MED15: variants seen among roughly 807,000 people sequenced by gnomAD.
MED15 encodes mediator of RNA polymerase II transcription subunit 15.
MED15 carries 41 observed loss-of-function variants against 118.7 expected under a neutral mutation model. That is an observed-to-expected ratio of 0.35 (90% CI 0.27 to 0.45). The LOEUF is 0.45. Ranked by LOEUF, MED15 falls within the 20% of genes least tolerant of loss-of-function variation. MED15 has a pLI of 1.00. For missense variants in MED15, 740 were observed against 1,025.5 expected, an observed-to-expected ratio of 0.72 and a Z score of 3.80; for synonymous variants, 436 against 413.9, an observed-to-expected ratio of 1.05 and a Z score of -0.65.
intron 9 of MED15, among the ~76,000 whole-genome samples, chr22:20,580,221 C>T (rs79876592): frequency 0.035 from 5,373 of 152,132 alleles, 291 homozygotes; most frequent in African/African-American, 0.12. Context: ...CTTGGAGGCC[C>T]CACGGGCGTG....
At position 20,541,526 on chromosome 22, in the gene MED15, C is replaced by T. The variant is rs189259096; in HGVS notation, c.156+4322C>T. 1.9e-3 allele frequency among the ~76,000 whole-genome samples: 282 copies of T among 152,246 alleles called. 1 individual carries two copies. Among genetic ancestry groups the T allele is most frequent in the Non-Finnish European group, 2.1e-4 (14 of 68,014 alleles). On this transcript the variant is annotated intron_variant, in intron 2 of 17. Coordinates refer to ENST00000263205, the MANE Select transcript of MED15 (RefSeq NM_001003891.3). ...TTTGAGACAGTCTCGCTCTGTCGCC[C>T]AGGCTAGAGTGCAGTGGCACAATCT...
intron 3 of MED15, chr22:20,551,777 G>A: frequency 2.2e-6 from 1 of 459,062 alleles, no homozygotes; most frequent in South Asian, 2.5e-5. Flanking sequence ...CTTTTCATAG[G>A]GCTGTTGTTT....
chr22:20,548,041 T>C (rs2055621442), intron 2 of MED15, among the ~76,000 whole-genome samples: 1 of 152,074 alleles, frequency 6.6e-6, no homozygotes, highest in Admixed American at 6.6e-5. Flanking sequence ...ATTCACTGAG[T>C]TGCCCCTGAG....
In MED15 at chr22:20,584,422, G is replaced by A. The variant is rs901725940; in HGVS notation, c.1800G>A (p.Ala600=). 8.1e-6 allele frequency: 13 copies of A among 1,613,550 alleles called. No individual in the cohort carries two copies. The highest frequency in any genetic ancestry group is 2.7e-5 in the African/African-American group (2 of 74,906). The change falls in exon 14 of 18, where the codon GCG becomes GCA. Residue 600 remains alanine (A), a synonymous_variant. Coordinates refer to ENST00000263205, the MANE Select transcript of MED15 (RefSeq NM_001003891.3). ...TGGAGAAACTCAAGAATGACATGGC[G>A]GTGGTGAGTGGGATGCCAGACACCC... ...IALEKLKNDM[A]VPTPPPPPVP...
chr22:20,547,898 C>A (rs1337724955), intron 2 of MED15, among the ~76,000 whole-genome samples: 1 of 152,134 alleles, frequency 6.6e-6, no homozygotes, highest in African/African-American at 2.4e-5. Flanking sequence ...GCTCAGGAGG[C>A]TGAGGTGGGG....
intron 2 of MED15, among the ~76,000 whole-genome samples, chr22:20,550,770 A>G (rs2055735166): frequency 1.3e-5 from 2 of 152,262 alleles, no homozygotes; most frequent in South Asian, 4.1e-4. Context: ...AAAGAGGACA[A>G]TGGGTGGGAG....
intron 1 of MED15, among the ~76,000 whole-genome samples, chr22:20,511,501 A>AG (rs2054063244): frequency 6.6e-6 from 1 of 151,280 alleles, no homozygotes; most frequent in Non-Finnish European, 1.5e-5. Context: ...AAAAAAAGAA[A>AG]AAAAAAAAGC....
chr22:20,583,492 G>A (rs537277187), intron 13 of MED15, 99 bp downstream of exon 13: 8 of 1,453,800 alleles, frequency 5.5e-6, no homozygotes, highest in Non-Finnish European at 6.7e-6. Flanking sequence ...AAAGGCACCA[G>A]GCAGCTCTTT....
Position 20,560,975 on chromosome 22 carries a change from G to A in MED15, c.452-3475G>A, listed in dbSNP as rs769359022. Among the ~76,000 whole-genome samples, 4 of 152,110 alleles carry A rather than the reference G, an allele frequency of 2.6e-5. No homozygotes were observed. The South Asian group carries it at 8.3e-4, about 31-fold the overall frequency. On this transcript the variant is annotated intron_variant, in intron 5 of 17. Transcript: ENST00000263205. ...AGCAGGGAGATAGAGCGTGAATATC[G>A]GTTCTGTCGGGTACATATAAAACCT...
chr22:20,585,361 G>C (rs2057104068), intron 16 of MED15, 94 bp downstream of exon 16: 1 of 1,500,632 alleles, frequency 6.7e-7, no homozygotes, highest in Non-Finnish European at 9.1e-7. Flanking sequence ...ACAGCGCCCA[G>C]AACCCACCCT....
At chr22:20,526,823 C>G (rs979019512) in intron 1 of MED15, among the ~76,000 whole-genome samples, 2 of 152,168 alleles carry the variant, frequency 1.3e-5, no homozygotes, top group African/African-American at 4.8e-5. Flanking sequence ...CAGCCCTCAG[C>G]GTGCTTGTCT....
At chr22:20,538,352 C>T (rs746698002) in intron 2 of MED15, among the ~76,000 whole-genome samples, 1 of 152,060 alleles carries the variant, frequency 6.6e-6, no homozygotes, top group Non-Finnish European at 1.5e-5. Flanking sequence ...CGGGCTTAGG[C>T]GATCCTCCTT....
At chr22:20,553,258 C>T (rs1330528471) in intron 4 of MED15, 84 bp downstream of exon 4, 13 of 1,334,600 alleles carry the variant, frequency 9.7e-6, no homozygotes, top group African/African-American at 1.5e-5. Flanking sequence ...GCCTCATGTG[C>T]CTGGGTTAAC....
chr22:20,582,336 G>A (rs956773716), intron 9 of MED15: 33 of 548,686 alleles, frequency 6.0e-5, no homozygotes, highest in African/African-American at 3.1e-4. Context: ...ACACTCCCAC[G>A]ACACAGCCCT....
In MED15 at chr22:20,584,379, A is replaced by G. The variant is rs375932399; in HGVS notation, c.1757A>G (p.Gln586Arg). Residue 586 changes from glutamine to arginine, a missense_variant, in exon 14 of 18, where the codon CAA becomes CGA. Physicochemically the swap from Gln to Arg is conservative, Grantham distance 43 (BLOSUM62 1). This residue lies in a region of MED15 where 384 missense variants were observed against 506.3 expected (regional missense o/e 0.76). Transcript: ENST00000263205. Reference sequence around the variant, plus strand: ...TGCAGGTGTCCCCTGAAGACCTTGCAAAAGTGTGAGATCGCCCTGGAGAAA... The same window carrying G: ...TGCAGGTGTCCCCTGAAGACCTTGCGAAAGTGTGAGATCGCCCTGGAGAAA... ...PSKRCPLKTL[Q>R]KCEIALEKLK... is the part of the protein sequence containing the mutation. The G allele has an allele frequency of 5.6e-6, 9 of 1,613,780 alleles. No homozygotes were observed. Among genetic ancestry groups the G allele is most frequent in the Non-Finnish European group, 6.8e-6 (8 of 1,179,826 alleles).
chr22:20,549,621 G>A (rs2055692311), intron 2 of MED15, among the ~76,000 whole-genome samples: 1 of 152,116 alleles, frequency 6.6e-6, no homozygotes. Flanking sequence ...ACCTGCCTTT[G>A]GGGGAATGTA....
At chr22:20,539,962 TG>T (rs1266921221) in intron 2 of MED15, among the ~76,000 whole-genome samples, 1 of 152,238 alleles carries the variant, frequency 6.6e-6, no homozygotes, top group African/African-American at 2.4e-5. Flanking sequence ...TTTATGCATT[TG>T]GATATAAGTC....
chr22:20,584,457 C>T lies in MED15; in HGVS notation c.1803+32C>T, dbSNP rs755326546. On this transcript the variant is annotated intron_variant, in intron 14 of 17. Transcript: ENST00000263205. Reference sequence around the variant, plus strand: ...GGGATGCCAGACACCCCTAGGGGAACCAGGGCTCTCCTAAGAGCTCCTGGG... The same window carrying T: ...GGGATGCCAGACACCCCTAGGGGAATCAGGGCTCTCCTAAGAGCTCCTGGG... 1.3e-5 allele frequency: 21 copies of T among 1,608,358 alleles called. No homozygotes were observed. The South Asian group carries it at 1.5e-4, about 12-fold the overall frequency.
At chr22:20,533,533 T>C (rs1489548194) in intron 1 of MED15, among the ~76,000 whole-genome samples, 2 of 152,188 alleles carry the variant, frequency 1.3e-5, no homozygotes, top group East Asian at 3.8e-4. Context: ...GGGAGTGACA[T>C]GGCACAGTGC....
Sources: gnomAD v4.1 joint callset for allele counts (sites outside exome capture counted in the v4.1 genomes callset) on GRCh38, gnomAD v4.1.1 for gene constraint, gnomAD v4.1.1 regional missense constraint, MANE v1.5 for transcripts, NCBI Gene and HGNC (gene_info 2026-07-23, HGNC 2026-07-21) for gene names.